Variants in RXYLT1 observed in about 807,000 individuals in gnomAD.
RXYLT1 encodes ribitol-5-phosphate xylosyltransferase 1.
In RXYLT1, 41 loss-of-function variants were observed where a neutral mutation model predicts 43.5. The ratio of observed to expected loss-of-function variants is 0.94; its 90% CI spans 0.73 to 1.22. RXYLT1 has a LOEUF of 1.22. Ranked by LOEUF, RXYLT1 falls within the 50% of genes most tolerant of loss-of-function variation. The pLI is 0.00. For synonymous variants in RXYLT1, 166 were observed against 194.4 expected, an observed-to-expected ratio of 0.85 and a Z score of 1.21; for missense variants, 514 against 532.0, an observed-to-expected ratio of 0.97 and a Z score of 0.33.
chr12:63,782,380 C>T (rs970173483), intron 2 of RXYLT1, among the ~76,000 whole-genome samples: 6 of 152,218 alleles, frequency 3.9e-5, no homozygotes, highest in African/African-American at 1.2e-4. Flanking sequence ...TACAGCTTTG[C>T]CCTCTGGCAT....
chr12:63,797,995 G>A (rs903535690), intron 3 of RXYLT1, among the ~76,000 whole-genome samples: 1 of 152,180 alleles, frequency 6.6e-6, no homozygotes, highest in African/African-American at 2.4e-5. Context: ...GGTAGCTAAT[G>A]TGACACAAAA....
intron 5 of RXYLT1, chr12:63,807,044 A>G (rs1484991668): frequency 6.6e-6 from 1 of 152,232 alleles, no homozygotes; most frequent in Non-Finnish European, 1.5e-5. Flanking sequence ...CACATACTGC[A>G]CCTTCTGAAC....
At chr12:63,784,548 A>G (rs1009578119) in intron 2 of RXYLT1, among the ~76,000 whole-genome samples, 1 of 152,234 alleles carries the variant, frequency 6.6e-6, no homozygotes, top group African/African-American at 2.4e-5. Context: ...ATGTACATAC[A>G]TGAGCTCCTC....
intron 3 of RXYLT1, among the ~76,000 whole-genome samples, chr12:63,794,795 TA>T (rs143526388): frequency 6.7e-5 from 10 of 149,600 alleles, no homozygotes; most frequent in South Asian, 2.1e-4. Flanking sequence ...ATTTTTCATT[TA>T]AAAAAAAAAT....
At chr12:63,780,483 T>C (rs1417892718) in intron 1 of RXYLT1, 2 of 1,104,548 alleles carry the variant, frequency 1.8e-6, no homozygotes, top group Non-Finnish European at 2.2e-6. Context: ...TCCGTTTCCA[T>C]GTTGAAACAA....
At chr12:63,788,218 A>C (rs1897848715) in intron 3 of RXYLT1, among the ~76,000 whole-genome samples, 1 of 152,164 alleles carries the variant, frequency 6.6e-6, no homozygotes, top group East Asian at 1.9e-4. Context: ...GGCAGAGTAG[A>C]TTTAGGATAG....
chr12:63,780,131 T>A lies in RXYLT1; in HGVS notation c.169+2T>A. On this transcript the variant is annotated splice_donor_variant, in intron 1 of 5. Transcript: ENST00000261234. LOFTEE classifies it high-confidence loss of function. ...CCGCGCGGGAGAGACGCGGCCGAGG[T>A]AGGACTGGGTCGGCGGCTTCCTTCC... 1 of 1,485,586 alleles carries A rather than the reference T, an allele frequency of 6.7e-7. No homozygotes were observed. Among genetic ancestry groups the A allele is most frequent in the Non-Finnish European group, 8.9e-7 (1 of 1,129,304 alleles). The allele number at this position is 1,485,586 out of a possible 1,614,324, so 92.0% of individuals were successfully genotyped here. A position where few individuals can be genotyped will look rare whatever the true frequency, so the allele number is the denominator to read the frequency against.
intron 3 of RXYLT1, among the ~76,000 whole-genome samples, chr12:63,798,925 G>A (rs1898093543): frequency 6.6e-6 from 1 of 152,134 alleles, no homozygotes; most frequent in Admixed American, 6.5e-5. Flanking sequence ...CTTTTAAGCT[G>A]TTAGGACATA....
chr12:63,780,168 C>A, intron 1 of RXYLT1, 39 bp downstream of exon 1: 1 of 1,424,254 alleles, frequency 7.0e-7, no homozygotes, highest in South Asian at 1.5e-5. Context: ...GCTCTGCGCT[C>A]CTGGCTGGGG....
intron 3 of RXYLT1, among the ~76,000 whole-genome samples, chr12:63,793,156 C>G (rs1406177953): frequency 6.6e-6 from 1 of 152,120 alleles, no homozygotes; most frequent in East Asian, 1.9e-4. Context: ...CTGCTACAAC[C>G]CAGTTATAAC....
chr12:63,806,954 C>T (rs974342919), intron 5 of RXYLT1: 22 of 152,392 alleles, frequency 1.4e-4, no homozygotes, highest in African/African-American at 4.3e-4. Flanking sequence ...AGTTCCTTCA[C>T]CTCCCCTCCT....
chr12:63,803,048 C>T (rs1359995248), intron 4 of RXYLT1, among the ~76,000 whole-genome samples: 2 of 150,714 alleles, frequency 1.3e-5, no homozygotes, highest in Admixed American at 6.6e-5. Context: ...GTGACATGGA[C>T]TCCTGTATGG....
At chr12:63,801,572 T>C (rs1490272565) in intron 3 of RXYLT1, among the ~76,000 whole-genome samples, 2 of 152,060 alleles carry the variant, frequency 1.3e-5, no homozygotes, top group African/African-American at 4.8e-5. Context: ...GTAATCCCAG[T>C]ACTTTGGGAG....
At chr12:63,791,319 T>C in intron 3 of RXYLT1, among the ~76,000 whole-genome samples, 1 of 152,230 alleles carries the variant, frequency 6.6e-6, no homozygotes, top group East Asian at 1.9e-4. Flanking sequence ...TGTATAGTCA[T>C]TACCACAGGC....
At chr12:63,793,588 TC>T (rs1217590133) in intron 3 of RXYLT1, among the ~76,000 whole-genome samples, 1 of 152,172 alleles carries the variant, frequency 6.6e-6, no homozygotes, top group Non-Finnish European at 1.5e-5. Context: ...CAATAGAAAT[TC>T]ATCTCTTGGT....
intron 4 of RXYLT1, 82 bp from the exon 5 acceptor site, chr12:63,805,152 C>G: frequency 2.8e-6 from 3 of 1,075,448 alleles, no homozygotes; most frequent in Non-Finnish European, 3.9e-6. Flanking sequence ...CTGTATACTT[C>G]TTGCTACCTA....
At chr12:63,796,882 AAAG>A (rs987530018) in intron 3 of RXYLT1, among the ~76,000 whole-genome samples, 3 of 151,962 alleles carry the variant, frequency 2.0e-5, no homozygotes, top group African/African-American at 7.2e-5. Flanking sequence ...TCGATAAAAA[AAAG>A]AAGAAATTGA....
rs1296387215 is a variant in RXYLT1, at chr12:63,809,166, A to G, written c.*74A>G. On this transcript the variant is annotated 3_prime_UTR_variant, in exon 6 of 6. Transcript: ENST00000261234. ...GGTGTATAAATGTGTTTGTGTGTGT[A>G]TGTATTTATAGATGTTCTTTAAGGT... 3 of 1,086,346 alleles carry G rather than the reference A, an allele frequency of 2.8e-6. No homozygotes were observed. Among genetic ancestry groups the G allele is most frequent in the Non-Finnish European group, 3.9e-6 (3 of 773,208 alleles). The allele number at this position is 1,086,346 out of a possible 1,614,324, so 67.3% of individuals were successfully genotyped here.
chr12:63,785,564 T>C (rs945564031), intron 3 of RXYLT1, among the ~76,000 whole-genome samples: 7 of 152,162 alleles, frequency 4.6e-5, no homozygotes, highest in African/African-American at 1.7e-4. Flanking sequence ...TTATTTTAGA[T>C]TTAATAAAGC....
Sources: gnomAD v4.1 joint callset for allele counts (sites outside exome capture counted in the v4.1 genomes callset) on GRCh38, gnomAD v4.1.1 for gene constraint, MANE v1.5 for transcripts, NCBI Gene and HGNC (gene_info 2026-07-23, HGNC 2026-07-21) for gene names.